ABCA10: variants seen among roughly 807,000 people sequenced by gnomAD.
ABCA10 encodes the protein ATP binding cassette subfamily A member 10.
Under a neutral mutation model 187.5 loss-of-function variants are expected in ABCA10, and 169 were observed. That is an observed-to-expected ratio of 0.90 (90% CI 0.80 to 1.02). The LOEUF is 1.02. ABCA10 is among the 50% of genes least tolerant of loss of function. The pLI, the probability that ABCA10 is intolerant of heterozygous loss-of-function variation, is 0.00. For missense variants in ABCA10, 1,727 were observed against 1,812.4 expected, an observed-to-expected ratio of 0.95 and a Z score of 0.86; for synonymous variants, 574 against 601.8, an observed-to-expected ratio of 0.95 and a Z score of 0.68.
rs2074249466 is a variant in ABCA10, at chr17:69,165,678, A to G, written c.3163-595T>C. ...AGTTCTTCTGCCATTCAAAATTCAT[A>G]TGACATTCCAAAGAGTATATACAGT... is the stretch of plus-strand genomic sequence containing the variant. On this transcript the variant is annotated intron_variant, in intron 25 of 38. Transcript: ENST00000690296. Among the ~76,000 whole-genome samples, 5 of 152,278 alleles carry G rather than the reference A, an allele frequency of 3.3e-5. No individual in the cohort carries two copies. The South Asian group carries it at 1.0e-3, about 32-fold the overall frequency.
intron 9 of ABCA10, among the ~76,000 whole-genome samples, chr17:69,210,193 T>TC (rs1290449940): frequency 4.3e-4 from 49 of 113,190 alleles, no homozygotes; most frequent in African/African-American, 2.0e-3. Context: ...TTTTTTTTTT[T>TC]TTTTTTTGAG....
intron 19 of ABCA10, among the ~76,000 whole-genome samples, chr17:69,186,786 A>G (rs913773731): frequency 1.3e-5 from 2 of 151,576 alleles, no homozygotes; most frequent in East Asian, 3.9e-4. Flanking sequence ...CCCCTTTTCT[A>G]CTCTAGTTTG....
At chr17:69,151,303 A>G (rs918081603) in intron 36 of ABCA10, among the ~76,000 whole-genome samples, 3 of 152,242 alleles carry the variant, frequency 2.0e-5, no homozygotes, top group African/African-American at 7.2e-5. Context: ...TTAAAGTCCT[A>G]CCTCAATGTC....
intron 20 of ABCA10, among the ~76,000 whole-genome samples, chr17:69,183,038 C>T (rs2074392712): frequency 6.6e-6 from 1 of 152,062 alleles, no homozygotes; most frequent in Admixed American, 6.6e-5. Context: ...GAAATATATT[C>T]ATTTATCTTA....
At chr17:69,230,598 ACCT>A (rs1475701006), upstream of ABCA10, among the ~76,000 whole-genome samples, 1 of 151,846 alleles carries the variant, frequency 6.6e-6, no homozygotes, top group Non-Finnish European at 1.5e-5. Flanking sequence ...ACCAACTAGC[ACCT>A]CCTCATCAAA....
intron 27 of ABCA10, among the ~76,000 whole-genome samples, chr17:69,159,842 C>A (rs562474189): frequency 1.3e-5 from 2 of 151,674 alleles, no homozygotes; most frequent in African/African-American, 4.8e-5. Context: ...AGAAATAAAC[C>A]CTCCCATATA....
chr17:69,177,319 C>T (rs2074341465), intron 22 of ABCA10, among the ~76,000 whole-genome samples: 1 of 152,156 alleles, frequency 6.6e-6, no homozygotes, highest in South Asian at 2.1e-4. Flanking sequence ...TTTAATGCTA[C>T]TATTCTATGA....
intron 9 of ABCA10, among the ~76,000 whole-genome samples, chr17:69,212,124 C>CT (rs1403910505): frequency 6.6e-6 from 1 of 152,120 alleles, no homozygotes; most frequent in African/African-American, 2.4e-5. Context: ...ATGCCATGAA[C>CT]TTTCTTTTTA....
chr17:69,201,693 T>C, intron 9 of ABCA10, 25 bp from the exon 10 acceptor site: 1 of 1,545,176 alleles, frequency 6.5e-7, no homozygotes, highest in South Asian at 1.2e-5. Flanking sequence ...TACAATTACA[T>C]ATTGCATCAA....
At chr17:69,226,791 T>C (rs1266085133) in intron 2 of ABCA10, among the ~76,000 whole-genome samples, 2 of 151,854 alleles carry the variant, frequency 1.3e-5, no homozygotes, top group Non-Finnish European at 2.9e-5. Context: ...AGCTTATCTT[T>C]CCCCTGGCTG....
At chr17:69,225,216 C>T (rs1568075871) in intron 3 of ABCA10, 109 bp downstream of exon 3, 1 of 1,254,512 alleles carries the variant, frequency 8.0e-7, no homozygotes. Context: ...GAATCTTTGC[C>T]TCAGTTGAGA....
intron 27 of ABCA10, among the ~76,000 whole-genome samples, chr17:69,163,387 C>CAT (rs1197983970): frequency 6.6e-6 from 1 of 152,144 alleles, no homozygotes; most frequent in African/African-American, 2.4e-5. Flanking sequence ...TTGCAATGAA[C>CAT]ATATATTCCC....
At chr17:69,154,044 G>A in intron 31 of ABCA10, 35 bp from the exon 32 acceptor site, 1 of 1,596,770 alleles carries the variant, frequency 6.3e-7, no homozygotes, top group East Asian at 2.2e-5. Flanking sequence ...TTCACCTTTG[G>A]TTTTTGCTCC....
Position 69,176,411 on chromosome 17 carries a change from CA to C in ABCA10, c.2770-899del, listed in dbSNP as rs11320699. 3.3e-3 allele frequency among the ~76,000 whole-genome samples: 497 copies of C among 150,148 alleles called. 3 individuals carry two copies. The highest frequency in any genetic ancestry group is 0.011 in the African/African-American group (468 of 40,810). ...ACACTGTAATTTATTATTATTATGA[CA>C]AAAAAAATCTAAAGAAAAGGAGTGC... is the stretch of plus-strand genomic sequence containing the variant. On this transcript the variant is annotated intron_variant, in intron 22 of 38. Transcript: ENST00000690296.
chr17:69,244,399 T>C (rs2074928070), intron 1 of ABCA10: 1 of 152,040 alleles, frequency 6.6e-6, no homozygotes, highest in South Asian at 2.1e-4. Context: ...CACTTCAGTA[T>C]ACAAAATGAC....
At chr17:69,186,491 A>C (rs1459613353) in intron 19 of ABCA10, among the ~76,000 whole-genome samples, 1 of 152,208 alleles carries the variant, frequency 6.6e-6, no homozygotes, top group Non-Finnish European at 1.5e-5. Flanking sequence ...CATTCATTAT[A>C]AAATCAACTT....
At chr17:69,154,483 GGT>G (rs1386791069) in intron 30 of ABCA10, among the ~76,000 whole-genome samples, 157 bp from the exon 31 acceptor site, 2 of 148,480 alleles carry the variant, frequency 1.3e-5, no homozygotes, top group Non-Finnish European at 3.0e-5. Context: ...GGACTGTGGT[GGT>G]GTAATCATTG....
At chr17:69,217,397 T>G (rs754961710) in intron 6 of ABCA10, among the ~76,000 whole-genome samples, 11 of 152,210 alleles carry the variant, frequency 7.2e-5, no homozygotes, top group South Asian at 2.1e-4. Context: ...ATCCAGCAAA[T>G]ATACCACTGA....
intron 1 of ABCA10, among the ~76,000 whole-genome samples, chr17:69,240,701 G>C (rs2074898585): frequency 6.6e-6 from 1 of 152,194 alleles, no homozygotes. Context: ...AAGCCTCCAA[G>C]GGATGGGCCC....
Sources: gnomAD v4.1 joint callset for allele counts (sites outside exome capture counted in the v4.1 genomes callset) on GRCh38, gnomAD v4.1.1 for gene constraint, MANE v1.5 for transcripts, NCBI Gene and HGNC (gene_info 2026-07-23, HGNC 2026-07-21) for gene names.